Variants in SCAF8 observed in about 807,000 individuals in gnomAD.
The protein encoded by SCAF8 is SR-related and CTD-associated factor 8.
SCAF8 carries 23 observed loss-of-function variants against 140.5 expected under a neutral mutation model. That is an observed-to-expected ratio of 0.16 (90% CI 0.12 to 0.23). The LOEUF (loss-of-function observed/expected upper bound fraction) is 0.23, where lower values mean the gene tolerates loss of function less well. Ranked by LOEUF, SCAF8 falls within the 10% of genes least tolerant of loss-of-function variation. The pLI is 1.00. For missense variants in SCAF8, 1,397 were observed against 1,555.7 expected (o/e 0.90, Z 1.72); for synonymous variants, 575 against 528.9 (o/e 1.09, Z -1.20).
intron 1 of SCAF8, among the ~76,000 whole-genome samples, chr6:154,743,304 T>G (rs780600461): frequency 6.6e-6 from 1 of 152,254 alleles, no homozygotes; most frequent in Admixed American, 6.5e-5. Flanking sequence ...TTGTCTGTTA[T>G]ATATGTTTTA....
intron 12 of SCAF8, among the ~76,000 whole-genome samples, chr6:154,811,764 C>T (rs1218278959): frequency 6.8e-6 from 1 of 147,456 alleles, no homozygotes; most frequent in Admixed American, 6.8e-5. Flanking sequence ...GTTCAATTCT[C>T]ACCTATGAGT....
chr6:154,777,507 A>G (rs1776950602), intron 2 of SCAF8, among the ~76,000 whole-genome samples: 1 of 152,196 alleles, frequency 6.6e-6, no homozygotes, highest in East Asian at 1.9e-4. Context: ...TTCATTTTCC[A>G]GGAGAAGCAG....
intron 1 of SCAF8, among the ~76,000 whole-genome samples, chr6:154,753,360 G>A (rs919761713): frequency 6.6e-6 from 1 of 152,140 alleles, no homozygotes; most frequent in Non-Finnish European, 1.5e-5. Context: ...CCAGTTACTC[G>A]GGAGGCTGAG....
rs192218437 is a variant in SCAF8 at position 154,808,728 on chromosome 6, G to A, written c.1156G>A (p.Val386Ile). 61 of 1,613,798 alleles carry A rather than the reference G, an allele frequency of 3.8e-5. No individual in the cohort carries two copies. The East Asian group carries it at 1.3e-3, about 34-fold the overall frequency. ...DEGQDGVEEE[V>I]FEQEAKKVAV... ...AGGGCAAGATGGAGTGGAAGAGGAG[G>A]TCTTTGAACAAGAAGCTAAGAAAGT... is the stretch of plus-strand genomic sequence containing the variant. The change falls in exon 11 of 20, where the codon GTC becomes ATC. Residue 386 changes from valine (V) to isoleucine (I), a missense_variant. Physicochemically the swap from Val to Ile is conservative, Grantham distance 29. Transcript: ENST00000367178.
At chr6:154,791,850 T>C (rs1395124881) in intron 4 of SCAF8, among the ~76,000 whole-genome samples, 2 of 152,046 alleles carry the variant, frequency 1.3e-5, no homozygotes, top group African/African-American at 4.8e-5. Context: ...GTAAGATGAT[T>C]AGAGTGTGGG....
intron 1 of SCAF8, among the ~76,000 whole-genome samples, chr6:154,760,686 TATAG>T (rs1471352248): frequency 6.7e-6 from 1 of 150,272 alleles, no homozygotes; most frequent in Middle Eastern, 3.4e-3. Context: ...ATTGTGGGAT[TATAG>T]ATAGATTACA....
intron 2 of SCAF8, among the ~76,000 whole-genome samples, chr6:154,775,759 G>A (rs1776899415): frequency 6.6e-6 from 1 of 151,854 alleles, no homozygotes; most frequent in South Asian, 2.1e-4. Context: ...TTTAAAAAAA[G>A]AAGTAATGTT....
chr6:154,790,401 G>A (rs1777378830), intron 4 of SCAF8, among the ~76,000 whole-genome samples: 1 of 149,482 alleles, frequency 6.7e-6, no homozygotes, highest in African/African-American at 2.4e-5. Flanking sequence ...AAATATGTCA[G>A]TGTAATATTA....
At chr6:154,793,188 G>A (rs1777473780) in intron 5 of SCAF8, among the ~76,000 whole-genome samples, 1 of 152,096 alleles carries the variant, frequency 6.6e-6, no homozygotes, top group Admixed American at 6.5e-5. Flanking sequence ...TTAATCCACA[G>A]AAACATAAAT....
chr6:154,736,596 C>T (rs375898888), intron 1 of SCAF8, among the ~76,000 whole-genome samples: 1 of 152,126 alleles, frequency 6.6e-6, no homozygotes, highest in African/African-American at 2.4e-5. Context: ...TAAACAGTAG[C>T]TCCCAAATAT....
intron 1 of SCAF8, among the ~76,000 whole-genome samples, chr6:154,741,204 A>G (rs1486313050): frequency 1.3e-5 from 2 of 152,138 alleles, no homozygotes; most frequent in East Asian, 1.9e-4. Flanking sequence ...TGAAACTGAT[A>G]ATGGTTTTGA....
At chr6:154,811,465 G>C (rs1778087999) in intron 12 of SCAF8, among the ~76,000 whole-genome samples, 3 of 150,902 alleles carry the variant, frequency 2.0e-5, no homozygotes, top group Non-Finnish European at 4.4e-5. Context: ...TGTGCTGAAC[G>C]TGCAGGTTTG....
At chr6:154,829,187 GAAAT>G (rs1280626823) in intron 18 of SCAF8, among the ~76,000 whole-genome samples, 2 of 150,444 alleles carry the variant, frequency 1.3e-5, no homozygotes, top group Non-Finnish European at 3.0e-5. Flanking sequence ...AGGGTTACCT[GAAAT>G]AAATCTTTTC....
chr6:154,833,248 T>C lies in SCAF8; in HGVS notation c.3669T>C (p.Ala1223=). ...ATGGTGAAAATACAGAGAGACATGC[T>C]CAGCCACCACCTATACCAGTACAGA... ...QVNGENTERH[A]QPPPIPVQND... is the part of the protein sequence containing the mutation. The change falls in exon 20 of 20, where the codon GCT becomes GCC. Residue 1223 remains alanine (A), a synonymous_variant. Coordinates refer to ENST00000367178, the MANE Select transcript of SCAF8 (RefSeq NM_014892.5). The C allele has an allele frequency of 1.2e-6, 2 of 1,614,020 alleles. No individual in the cohort carries two copies. The highest frequency in any genetic ancestry group is 1.1e-5 in the South Asian group (1 of 91,080).
At chr6:154,785,445 C>G (rs75598916) in intron 3 of SCAF8, among the ~76,000 whole-genome samples, 7,377 of 152,298 alleles carry the variant, frequency 0.048, 238 homozygotes, top group Non-Finnish European at 0.075. Context: ...CTGATTTACT[C>G]TCTTCCTCGC....
chr6:154,749,925 A>T (rs985078243), intron 1 of SCAF8, among the ~76,000 whole-genome samples: 3 of 152,198 alleles, frequency 2.0e-5, no homozygotes, highest in Admixed American at 2.0e-4. Flanking sequence ...GGGCTCAATT[A>T]AAGTAATACT....
In SCAF8 at chr6:154,833,420, C is replaced by A. The variant is rs371125750; in HGVS notation, c.*25C>A. 5.6e-5 allele frequency: 90 copies of A among 1,593,148 alleles called. No homozygotes were observed. The highest frequency in any genetic ancestry group is 3.4e-4 in the Middle Eastern group (2 of 5,898). ...ATCATCACTCAGTAGGTAAAAGATA[C>A]CTTTTGTAAAGTTGTCATCTCTCTG... On this transcript the variant is annotated 3_prime_UTR_variant, in exon 20 of 20. Coordinates refer to ENST00000367178, the MANE Select transcript of SCAF8 (RefSeq NM_014892.5).
intron 1 of SCAF8, among the ~76,000 whole-genome samples, chr6:154,757,413 T>C (rs1028568424): frequency 2.0e-5 from 3 of 152,258 alleles, no homozygotes; most frequent in African/African-American, 7.2e-5. Flanking sequence ...TCATCAGTTA[T>C]GGCTTTGGCA....
Position 154,754,959 on chromosome 6 carries a change from C to A in SCAF8, c.31-19030C>A, listed in dbSNP as rs556226773. Among the ~76,000 whole-genome samples, 49 of 152,210 alleles carry A rather than the reference C, an allele frequency of 3.2e-4. 1 individual carries two copies. In the South Asian group the frequency reaches 9.5e-3, roughly 30 times the overall value. ...CCTCCACAAACTTACTTTTAGACTTCTGTTTATATCAGTAGTAAAATCATG... is the reference window on the plus strand; with the variant it reads ...CCTCCACAAACTTACTTTTAGACTTATGTTTATATCAGTAGTAAAATCATG... On this transcript the variant is annotated intron_variant, in intron 1 of 19. Coordinates refer to ENST00000367178, the MANE Select transcript of SCAF8 (RefSeq NM_014892.5).
Sources: gnomAD v4.1 joint callset for allele counts (sites outside exome capture counted in the v4.1 genomes callset) on GRCh38, gnomAD v4.1.1 for gene constraint, MANE v1.5 for transcripts, NCBI Gene and HGNC (gene_info 2026-07-23, HGNC 2026-07-21) for gene names.